ATP6V1C2: variants seen among roughly 807,000 people sequenced by gnomAD.
The protein encoded by ATP6V1C2 is V-type proton ATPase subunit C 2.
A neutral mutation model predicts 56.8 loss-of-function variants in ATP6V1C2; 45 were observed. The ratio of observed to expected loss-of-function variants is 0.79; its 90% confidence interval spans 0.62 to 1.02. The LOEUF is 1.02. ATP6V1C2 is among the 50% of genes least tolerant of loss of function. The pLI, the probability that ATP6V1C2 is intolerant of heterozygous loss-of-function variation, is 0.00. For missense variants in ATP6V1C2, 463 were observed against 519.7 expected (o/e 0.89, Z 1.06); for synonymous variants, 220 against 201.3 (o/e 1.09, Z -0.79).
intron 3 of ATP6V1C2, among the ~76,000 whole-genome samples, chr2:10,747,591 G>A (rs987713110): frequency 7.2e-5 from 11 of 152,220 alleles, no homozygotes; most frequent in African/African-American, 2.4e-4. Flanking sequence ...TGGGGACAGT[G>A]GCACATTTCT....
chr2:10,756,827 G>A (rs1481073857), intron 4 of ATP6V1C2, among the ~76,000 whole-genome samples: 1 of 152,074 alleles, frequency 6.6e-6, no homozygotes, highest in Non-Finnish European at 1.5e-5. Flanking sequence ...TTTTGTAAGT[G>A]CCCTCTGTGA....
At chr2:10,736,028 C>A (rs571250496) in intron 3 of ATP6V1C2, among the ~76,000 whole-genome samples, 2 of 152,144 alleles carry the variant, frequency 1.3e-5, no homozygotes, top group Non-Finnish European at 2.9e-5. Flanking sequence ...AGGCTGAACA[C>A]GTTAACTCAC....
intron 3 of ATP6V1C2, among the ~76,000 whole-genome samples, chr2:10,751,409 C>G (rs541109848): frequency 6.6e-6 from 1 of 152,200 alleles, no homozygotes; most frequent in South Asian, 2.1e-4. Flanking sequence ...GAGTATCATC[C>G]CCATTTTACA....
chr2:10,781,322 G>A (rs964699753), intron 12 of ATP6V1C2, among the ~76,000 whole-genome samples: 2 of 152,018 alleles, frequency 1.3e-5, no homozygotes, highest in Non-Finnish European at 2.9e-5. Flanking sequence ...TGACTGTGGT[G>A]GAATTAGCCT....
chr2:10,765,334 T>C (rs1664159259), intron 5 of ATP6V1C2, among the ~76,000 whole-genome samples: 1 of 152,228 alleles, frequency 6.6e-6, no homozygotes, highest in Non-Finnish European at 1.5e-5. Flanking sequence ...ACTGTGAGAC[T>C]GAGGCTGATG....
chr2:10,724,860 A>G (rs1001109863), intron 2 of ATP6V1C2, among the ~76,000 whole-genome samples: 3 of 151,834 alleles, frequency 2.0e-5, no homozygotes, highest in African/African-American at 7.3e-5. Flanking sequence ...TTTAGTAGAG[A>G]CGGGGTGTCA....
At chr2:10,768,144 G>A (rs956567867) in intron 5 of ATP6V1C2, 9 of 152,942 alleles carry the variant, frequency 5.9e-5, no homozygotes, top group African/African-American at 1.7e-4. Context: ...GCTGCGAGGA[G>A]GGAATGTGAA....
Position 10,745,640 on chromosome 2 carries a change from C to G in ATP6V1C2, c.198-8341C>G, listed in dbSNP as rs979306274. On this transcript the variant is annotated intron_variant, in intron 3 of 13. Transcript: ENST00000272238. ...ACAGGCATGAGCCACCACGCCCGGC[C>G]AACCATTTTTAAGTGTACAGTTCAG... is the stretch of plus-strand genomic sequence containing the variant. 5.9e-5 allele frequency among the ~76,000 whole-genome samples: 9 copies of G among 152,128 alleles called. No individual in the cohort carries two copies. In the East Asian group the frequency reaches 1.6e-3, roughly 26 times the overall value.
intron 2 of ATP6V1C2, among the ~76,000 whole-genome samples, chr2:10,724,890 C>G (rs754322427): frequency 6.6e-6 from 1 of 152,062 alleles, no homozygotes; most frequent in Admixed American, 6.6e-5. Context: ...CCAGTTTGGT[C>G]TCAAACCTTC....
intron 3 of ATP6V1C2, among the ~76,000 whole-genome samples, chr2:10,746,534 T>C (rs1558399016): frequency 2.0e-5 from 3 of 151,916 alleles, no homozygotes; most frequent in Admixed American, 6.6e-5. Flanking sequence ...TGCCTCAGCC[T>C]CCGAAGTAGC....
chr2:10,757,903 G>A (rs771931444), intron 4 of ATP6V1C2, among the ~76,000 whole-genome samples: 2 of 152,092 alleles, frequency 1.3e-5, no homozygotes, highest in Non-Finnish European at 2.9e-5. Flanking sequence ...GGGCAGTCCC[G>A]GTGCCCAAAC....
intron 3 of ATP6V1C2, among the ~76,000 whole-genome samples, chr2:10,739,972 G>GTAAT (rs1662457641): frequency 1.7e-3 from 1 of 606 alleles, no homozygotes; most frequent in East Asian, 0.25. Context: ...CTTGGTGGTG[G>GTAAT]GCAAGCTTGG....
At chr2:10,743,854 G>A (rs911170419) in intron 3 of ATP6V1C2, among the ~76,000 whole-genome samples, 13 of 151,722 alleles carry the variant, frequency 8.6e-5, no homozygotes, top group Admixed American at 5.3e-4. Flanking sequence ...GCATGATGGC[G>A]GGCACCTATA....
chr2:10,733,258 A>G (rs2148418850), intron 3 of ATP6V1C2, among the ~76,000 whole-genome samples: 1 of 152,208 alleles, frequency 6.6e-6, no homozygotes, highest in South Asian at 2.1e-4. Context: ...GAGTTGGTAG[A>G]GGTTGGGGTA....
At chr2:10,738,460 A>C (rs999793672) in intron 3 of ATP6V1C2, among the ~76,000 whole-genome samples, 1 of 152,114 alleles carries the variant, frequency 6.6e-6, no homozygotes, top group African/African-American at 2.4e-5. Context: ...AATGTTGTGA[A>C]ATCCCGAAAT....
rs1664847068 is a variant in ATP6V1C2, at chr2:10,774,732, C to T, written c.639-56C>T. 4 of 1,523,740 alleles carry T rather than the reference C, an allele frequency of 2.6e-6. No homozygotes were observed. In the Admixed American group the frequency reaches 6.8e-5, roughly 26 times the overall value. 94.4% of individuals were successfully genotyped at this position (1,523,740 alleles called of 1,614,324 possible). On this transcript the variant is annotated intron_variant, in intron 8 of 13. Coordinates refer to ENST00000272238, the MANE Select transcript of ATP6V1C2 (RefSeq NM_001039362.2). ...CACCAGGCCCGGGGCCTCTGAGCCC[C>T]ACTCCCGCACAAGGCCTAGCAGTGA...
intron 5 of ATP6V1C2, among the ~76,000 whole-genome samples, chr2:10,767,159 C>CT (rs33943682): frequency 0.42 from 45,011 of 107,640 alleles, 11,661 homozygotes; most frequent in South Asian, 0.47. Flanking sequence ...CATTTTTTAT[C>CT]TTTTTTTTTT....
intron 4 of ATP6V1C2, among the ~76,000 whole-genome samples, chr2:10,757,883 G>A (rs1349490043): frequency 6.6e-6 from 1 of 152,210 alleles, no homozygotes; most frequent in African/African-American, 2.4e-5. Context: ...AGACATACAA[G>A]GAGCCTCCAG....
intron 5 of ATP6V1C2, among the ~76,000 whole-genome samples, chr2:10,767,021 T>C (rs1463088580): frequency 1.3e-5 from 2 of 152,044 alleles, no homozygotes; most frequent in Admixed American, 1.3e-4. Context: ...ATTTCAAAAT[T>C]AAAAGTTTTA....
Sources: allele counts gnomAD v4.1 joint callset (sites outside exome capture counted in the v4.1 genomes callset), GRCh38; gene constraint gnomAD v4.1.1; transcripts MANE v1.5; gene names NCBI Gene and HGNC (gene_info 2026-07-23, HGNC 2026-07-21).